Variants in WDR64 observed in about 807,000 individuals in gnomAD.
WDR64 encodes WD repeat-containing protein 64.
Under a neutral mutation model 139.3 loss-of-function variants are expected in WDR64, and 112 were observed. The ratio of observed to expected loss-of-function variants is 0.80; its 90% CI spans 0.69 to 0.94. The LOEUF (loss-of-function observed/expected upper bound fraction) is 0.94. WDR64 is among the 40% of genes least tolerant of loss of function. The pLI, the probability that WDR64 is intolerant of heterozygous loss-of-function variation, is 0.00. For synonymous variants in WDR64, 444 were observed against 437.7 expected, an observed-to-expected ratio of 1.01 and a Z score of -0.18; for missense variants, 1,206 against 1,293.1, an observed-to-expected ratio of 0.93 and a Z score of 1.03.
At chr1:241,735,586 G>A (rs1669276310) in intron 10 of WDR64, among the ~76,000 whole-genome samples, 1 of 130,296 alleles carries the variant, frequency 7.7e-6, no homozygotes, top group Non-Finnish European at 1.6e-5. Context: ...CCAGGCTAGA[G>A]TGCTGTAGTG....
chr1:241,748,949 A>AG (rs1553375798), intron 13 of WDR64, among the ~76,000 whole-genome samples: 9 of 150,294 alleles, frequency 6.0e-5, no homozygotes, highest in African/African-American at 2.2e-4. Flanking sequence ...AAAAAAAAAA[A>AG]AAAGAAAGAA....
rs1005369707 is a variant in WDR64, at chr1:241,703,580, A to G, written c.975-8222A>G. On this transcript the variant is annotated intron_variant, in intron 8 of 27. Transcript: ENST00000437684. This position sits in a 1 kb window ranked among gnomAD's most constrained non-coding sequence, Gnocchi z 5.9. Reference sequence around the variant, plus strand: ...AACTTCCCAGAATCAATACATTTCTATTCTGTGTGACTCCGGGAAGTGGTT... The same window carrying G: ...AACTTCCCAGAATCAATACATTTCTGTTCTGTGTGACTCCGGGAAGTGGTT... Among the ~76,000 whole-genome samples the G allele has an allele frequency of 5.9e-5, 9 of 151,972 alleles. No individual in the cohort carries two copies. Among genetic ancestry groups the G allele is most frequent in the African/African-American group, 1.5e-4 (6 of 41,358 alleles).
At chr1:241,795,436 G>T in intron 26 of WDR64, 149 bp downstream of exon 26, 1 of 645,358 alleles carries the variant, frequency 1.5e-6, no homozygotes, top group Non-Finnish European at 2.7e-6. Context: ...TGCAGTCCCA[G>T]AAAAGTCTTG....
At position 241,753,031 on chromosome 1, in the gene WDR64, G is replaced by C. The variant is rs75798151; in HGVS notation, c.1770+3309G>C. ...TAAACAAAGAATCCACCAGTACGTA[G>C]GAGTACTATGGGCCCATACTTTTAA... On this transcript the variant is annotated intron_variant, in intron 14 of 27. Coordinates refer to ENST00000437684, the MANE Select transcript of WDR64 (RefSeq NM_001367482.1). 5.4e-3 allele frequency among the ~76,000 whole-genome samples: 820 copies of C among 152,292 alleles called. 3 individuals are homozygous for C. The highest frequency in any genetic ancestry group is 0.019 in the African/African-American group (773 of 41,554).
rs559735926 is a variant in WDR64, at chr1:241,744,493, T to C, written c.1571T>C (p.Leu524Pro). 9.3e-6 allele frequency: 15 copies of C among 1,614,136 alleles called. No individual in the cohort carries two copies. The African/African-American group carries it at 1.5e-4, about 16-fold the overall frequency. ...TSAAVDESGF[L>P]FATGAYNGTV... ...GCAGCTGTCGATGAAAGTGGATTTC[T>C]TTTTGCCACAGGAGCGTATAATGGT... Residue 524 changes from leucine to proline, a missense_variant, in exon 13 of 28, where the codon CTT (leucine) becomes CCT (proline). Transcript: ENST00000437684.
At chr1:241,772,983 G>T (rs895148164) in intron 20 of WDR64, 52 bp downstream of exon 20, 9 of 1,507,330 alleles carry the variant, frequency 6.0e-6, no homozygotes, top group Middle Eastern at 1.7e-4. Context: ...AAGATAAAAA[G>T]AATCATTAAA....
Position 241,772,827 on chromosome 1 carries a change from C to A in WDR64, c.2326C>A (p.Pro776Thr), listed in dbSNP as rs1397007848. The A allele has an allele frequency of 6.4e-7, 1 of 1,551,890 alleles. No homozygotes were observed. Among genetic ancestry groups the A allele is most frequent in the Non-Finnish European group, 8.7e-7 (1 of 1,147,090 alleles). ...QTDVMVGKQQ[P>T]MDKKHPGIAN... is the part of the protein sequence containing the mutation. ...AGATGTAATGGTGGGAAAGCAACAG[C>A]CAATGGACAAAAAACACCCTGGAAT... Residue 776 changes from proline (P) to threonine (T), a missense_variant, in exon 20 of 28, where the codon CCA becomes ACA. Physicochemically the swap from Pro to Thr is conservative, Grantham distance 38. Coordinates refer to ENST00000437684, the MANE Select transcript of WDR64 (RefSeq NM_001367482.1).
chr1:241,764,502 AT>A (rs1658065052), intron 15 of WDR64, among the ~76,000 whole-genome samples: 1 of 152,108 alleles, frequency 6.6e-6, no homozygotes, highest in Admixed American at 6.5e-5. Flanking sequence ...ATTTTTAAAA[AT>A]TTAAAAAAAT....
At chr1:241,766,121 G>C (rs1658154565) in intron 15 of WDR64, 97 bp from the exon 16 acceptor site, 1 of 1,184,356 alleles carries the variant, frequency 8.4e-7, no homozygotes, top group Middle Eastern at 2.3e-4. Context: ...AAGGCATTTT[G>C]TTTTAAGTTG....
At position 241,790,644 on chromosome 1, in the gene WDR64, C is replaced by T. The variant is rs767357662; in HGVS notation, c.2945C>T (p.Ala982Val). 6.2e-7 allele frequency: 1 copy of T among 1,611,740 alleles called. No homozygotes were observed. The highest frequency in any genetic ancestry group is 8.5e-7 in the Non-Finnish European group (1 of 1,179,656). ...CTTTTCAAACGCACACCTCCCAAGG[C>T]CTTTGAAGTGGAACAGGATTTCAAG... ...SLLFKRTPPK[A>V]FEVEQDFKFF... Residue 982 changes from alanine to valine, a missense_variant, in exon 25 of 28, where the codon GCC (alanine) becomes GTC (valine). Physicochemically the swap from Ala to Val is moderately conservative, Grantham distance 64. Coordinates refer to ENST00000437684, the MANE Select transcript of WDR64 (RefSeq NM_001367482.1).
At position 241,652,628 on chromosome 1, in the gene WDR64, AG is replaced by A. The variant is rs1665404974; in HGVS notation, c.145+1del. 3.2e-6 allele frequency: 5 copies of A among 1,551,508 alleles called. No homozygotes were observed. The highest frequency in any genetic ancestry group is 4.4e-6 in the Non-Finnish European group (5 of 1,146,982). ...ERAGLFIHKE[D>X]AIGYDKFYAS... ...GAGCAGGCTTATTTATCCATAAAGA[AG>A]GTAAGATCAGTGATTACACGATAGT... On this transcript the variant is annotated frameshift_variant and splice_region_variant, in exon 1 of 28. Coordinates refer to ENST00000437684, the MANE Select transcript of WDR64 (RefSeq NM_001367482.1). LOFTEE classifies it high-confidence loss of function.
Position 241,738,212 on chromosome 1 carries a change from T to C in WDR64, c.1195-151T>C, listed in dbSNP as rs1030915720. On this transcript the variant is annotated intron_variant, in intron 10 of 27. Coordinates refer to ENST00000437684, the MANE Select transcript of WDR64 (RefSeq NM_001367482.1). The stretch of plus-strand genomic sequence containing the variant: ...AACAATAATCCAACCCAGAACTAAA[T>C]TGGAGCTTAGCAAATGCATGCTTAT... The C allele has an allele frequency of 8.3e-6, 8 of 968,912 alleles. No homozygotes were observed. The Admixed American group carries it at 1.8e-4, about 21-fold the overall frequency. 60.0% of individuals were successfully genotyped at this position (968,912 alleles called of 1,614,324 possible).
intron 9 of WDR64, 119 bp from the exon 10 acceptor site, chr1:241,723,178 C>A: frequency 7.6e-7 from 1 of 1,315,670 alleles, no homozygotes; most frequent in Non-Finnish European, 1.0e-6. Context: ...ATGCATCCTG[C>A]CAGAAACGGA....
intron 10 of WDR64, among the ~76,000 whole-genome samples, chr1:241,725,341 T>C (rs1354902367): frequency 1.3e-5 from 2 of 150,322 alleles, no homozygotes; most frequent in African/African-American, 4.9e-5. Context: ...AAACAGGAAA[T>C]ACAGAAAGGA....
intron 8 of WDR64, among the ~76,000 whole-genome samples, chr1:241,705,546 A>AAAAAT (rs1553368495): frequency 7.7e-6 from 1 of 130,496 alleles, no homozygotes; most frequent in African/African-American, 3.0e-5. Flanking sequence ...TGTCTCTAAA[A>AAAAAT]AAATAAATAA....
At chr1:241,734,118 C>T (rs1038502164) in intron 10 of WDR64, among the ~76,000 whole-genome samples, 1 of 152,098 alleles carries the variant, frequency 6.6e-6, no homozygotes, top group Admixed American at 6.6e-5. Flanking sequence ...ATCTGATTGC[C>T]CTCCCAGGAA....
chr1:241,796,147 T>G (rs1659358177), intron 26 of WDR64, 110 bp from the exon 27 acceptor site: 2 of 507,048 alleles, frequency 3.9e-6, no homozygotes, highest in African/African-American at 2.0e-5. Context: ...AGAAGGGGGG[T>G]GTGTATTTTG....
intron 10 of WDR64, among the ~76,000 whole-genome samples, chr1:241,730,339 A>G (rs1385244505): frequency 6.6e-6 from 1 of 152,160 alleles, no homozygotes; most frequent in African/African-American, 2.4e-5. Flanking sequence ...TGTGGCTATC[A>G]CACTTCTATA....
chr1:241,783,932 G>T (rs140989561), intron 23 of WDR64, among the ~76,000 whole-genome samples: 1 of 152,200 alleles, frequency 6.6e-6, no homozygotes, highest in Non-Finnish European at 1.5e-5. Flanking sequence ...ACAAATTTCT[G>T]CATATTGAAA....
Sources: allele counts gnomAD v4.1 joint callset (sites outside exome capture counted in the v4.1 genomes callset), GRCh38; gene constraint gnomAD v4.1.1; non-coding constraint Gnocchi (gnomAD v3.1); transcripts MANE v1.5; gene names NCBI Gene and HGNC (gene_info 2026-07-23, HGNC 2026-07-21).